Variants in IL1RAPL2 observed in about 807,000 individuals in gnomAD.
IL1RAPL2 encodes the protein X-linked interleukin-1 receptor accessory protein-like 2.
A neutral mutation model predicts 44.1 loss-of-function variants in IL1RAPL2; 3 were observed. The ratio of observed to expected loss-of-function variants is 0.07; its 90% CI spans 0.03 to 0.18. The LOEUF (loss-of-function observed/expected upper bound fraction) is 0.18. Among genes scored for constraint, IL1RAPL2 ranks in the 10% least tolerant of loss-of-function variants. The pLI is 1.00. For synonymous variants in IL1RAPL2, 181 were observed against 178.8 expected (o/e 1.01, Z -0.10); for missense variants, 391 against 496.4 (o/e 0.79, Z 2.02).
intron 5 of IL1RAPL2, among the ~76,000 whole-genome samples, chrX:105,354,890 C>G (rs1053583430): frequency 1.8e-5 from 2 of 111,311 alleles, no homozygotes; most frequent in Non-Finnish European, 3.8e-5. Flanking sequence ...GGACTATTCC[C>G]CCTCCTATGC....
intron 2 of IL1RAPL2, among the ~76,000 whole-genome samples, chrX:104,911,761 C>T (rs1178726737): frequency 8.9e-6 from 1 of 112,071 alleles, no homozygotes; most frequent in Non-Finnish European, 1.9e-5. Context: ...TCATCACCAT[C>T]TCTTGCTACT....
At chrX:105,222,307 C>A (rs2033972782) in intron 3 of IL1RAPL2, among the ~76,000 whole-genome samples, 1 of 112,294 alleles carries the variant, frequency 8.9e-6, no homozygotes, top group African/African-American at 3.2e-5. Flanking sequence ...AATATTTCTT[C>A]TCTAAGGGTC....
chrX:105,664,160 A>G, intron 6 of IL1RAPL2, among the ~76,000 whole-genome samples: 1 of 112,304 alleles, frequency 8.9e-6, no homozygotes, highest in Non-Finnish European at 1.9e-5. Context: ...CAGGAGAAGC[A>G]GCTTTTGACA....
chrX:105,677,287 T>C (rs1207289195), intron 6 of IL1RAPL2, among the ~76,000 whole-genome samples: 1 of 112,107 alleles, frequency 8.9e-6, no homozygotes, highest in East Asian at 2.8e-4. Context: ...TTGACCCTCT[T>C]TGAATGAAAT....
intron 4 of IL1RAPL2, among the ~76,000 whole-genome samples, chrX:105,250,660 G>T (rs2034261850): frequency 9.0e-6 from 1 of 110,973 alleles, no homozygotes; most frequent in African/African-American, 3.3e-5. Context: ...AAGAATAAAA[G>T]ATACGCTTTT....
chrX:105,551,888 A>G (rs895104667), intron 6 of IL1RAPL2, among the ~76,000 whole-genome samples: 5 of 110,504 alleles, frequency 4.5e-5, no homozygotes, highest in East Asian at 2.9e-4. Flanking sequence ...GGCGGATCAC[A>G]AGGTCAGGAG....
chrX:105,243,569 ATATATATATATATATGTG>A (rs1243295638), intron 4 of IL1RAPL2, among the ~76,000 whole-genome samples: 15 of 83,760 alleles, frequency 1.8e-4, no homozygotes, highest in African/African-American at 1.1e-3. Context: ...ATATGTGTGT[ATATATATATATATATGTG>A]TATATATATA....
At chrX:104,829,480 A>G (rs898973503) in intron 2 of IL1RAPL2, among the ~76,000 whole-genome samples, 27 of 112,030 alleles carry the variant, frequency 2.4e-4, no homozygotes, top group Non-Finnish European at 4.9e-4. Flanking sequence ...ACCAGTCCCA[A>G]TGAAATGAAC....
At chrX:104,606,767 A>C (rs781632141) in intron 1 of IL1RAPL2, among the ~76,000 whole-genome samples, 2 of 111,733 alleles carry the variant, frequency 1.8e-5, no homozygotes, top group African/African-American at 3.3e-5. Context: ...CTTTAAGGAG[A>C]ACTACAAACC....
chrX:105,082,659 G>C (rs999263787), intron 2 of IL1RAPL2, among the ~76,000 whole-genome samples: 13 of 111,686 alleles, frequency 1.2e-4, no homozygotes, highest in African/African-American at 4.2e-4. Context: ...CAGGCAAACA[G>C]GGTCTGGAGT....
chrX:105,379,687 C>A (rs999838039), intron 5 of IL1RAPL2, among the ~76,000 whole-genome samples: 1 of 111,495 alleles, frequency 9.0e-6, no homozygotes, highest in Non-Finnish European at 1.9e-5. Context: ...TAGCCTGTTG[C>A]ACCTCAGTTT....
chrX:105,094,953 T>G (rs1325470709), intron 2 of IL1RAPL2, among the ~76,000 whole-genome samples: 1 of 111,544 alleles, frequency 9.0e-6, no homozygotes, highest in Non-Finnish European at 1.9e-5. Context: ...TGGGATTGTT[T>G]TCTTAAATTC....
At chrX:105,412,376 A>G (rs367830795) in intron 5 of IL1RAPL2, among the ~76,000 whole-genome samples, 4 of 108,109 alleles carry the variant, frequency 3.7e-5, no homozygotes, top group African/African-American at 1.3e-4. Context: ...AAAGAATGAA[A>G]TCCTGTCATT....
chrX:105,067,485 G>A (rs1454195910), intron 2 of IL1RAPL2, among the ~76,000 whole-genome samples: 1 of 111,393 alleles, frequency 9.0e-6, no homozygotes, highest in Non-Finnish European at 1.9e-5. Context: ...TATTTAACAA[G>A]TACTATTTGT....
At chrX:105,605,256 T>G (rs2037284914) in intron 6 of IL1RAPL2, among the ~76,000 whole-genome samples, 1 of 111,432 alleles carries the variant, frequency 9.0e-6, no homozygotes, top group Non-Finnish European at 1.9e-5. Flanking sequence ...TCAGTAAAAT[T>G]GCAGGATACA....
intron 2 of IL1RAPL2, among the ~76,000 whole-genome samples, chrX:104,744,504 T>C (rs190282760): frequency 9.0e-6 from 1 of 111,529 alleles, no homozygotes; most frequent in African/African-American, 3.2e-5. Flanking sequence ...AATGTACTTA[T>C]TATTCAGGCT....
chrX:104,626,669 A>G lies in IL1RAPL2; in HGVS notation c.-19-32226A>G, dbSNP rs988141153. 1.0e-4 allele frequency among the ~76,000 whole-genome samples: 11 copies of G among 106,847 alleles called. 1 individual carries two copies. The highest frequency in any genetic ancestry group is 1.5e-4 in the Non-Finnish European group (8 of 52,624). The allele number at this position is 106,847 out of a possible 115,157, so 92.8% of individuals were successfully genotyped here. ...TATCTGTAAAGTGTATCTTTAGGCT[A>G]TAACTCATAAAAAAAAAAGTAATGT... is the stretch of plus-strand genomic sequence containing the variant. On this transcript the variant is annotated intron_variant, in intron 1 of 10. Transcript: ENST00000372582.
chrX:105,068,139 T>C (rs1444144071), intron 2 of IL1RAPL2, among the ~76,000 whole-genome samples: 3 of 111,591 alleles, frequency 2.7e-5, no homozygotes, highest in African/African-American at 9.8e-5. Flanking sequence ...TTTTTATAAA[T>C]TAAGAAAAAC....
At chrX:104,911,158 C>T (rs1030202893) in intron 2 of IL1RAPL2, among the ~76,000 whole-genome samples, 2 of 111,532 alleles carry the variant, frequency 1.8e-5, no homozygotes, top group East Asian at 2.8e-4. Context: ...TATCAACCTC[C>T]CATCTCCCGC....
Sources: gnomAD v4.1 joint callset for allele counts (sites outside exome capture counted in the v4.1 genomes callset) on GRCh38, gnomAD v4.1.1 for gene constraint, MANE v1.5 for transcripts, NCBI Gene and HGNC (gene_info 2026-07-23, HGNC 2026-07-21) for gene names.